PLD1: variants seen among roughly 807,000 people sequenced by gnomAD.
PLD1 encodes the protein phospholipase D1.
PLD1 carries 112 observed loss-of-function variants against 137.1 expected under a neutral mutation model. That is an observed-to-expected ratio of 0.82 (90% CI 0.70 to 0.96). The LOEUF (loss-of-function observed/expected upper bound fraction) is 0.96, where lower values mean the gene tolerates loss of function less well. Among genes scored for constraint, PLD1 ranks in the 40% least tolerant of loss-of-function variants. PLD1 has a pLI of 0.00. For synonymous variants in PLD1, 431 were observed against 454.7 expected, an observed-to-expected ratio of 0.95 and a Z score of 0.66; for missense variants, 1,321 against 1,342.0, an observed-to-expected ratio of 0.98 and a Z score of 0.24.
rs143100389 is a variant in PLD1 at position 171,674,538 on chromosome 3, T to A, written c.2191A>T (p.Arg731Ter). The A allele has an allele frequency of 9.9e-6, 16 of 1,610,434 alleles. No individual in the cohort carries two copies. The highest frequency in any genetic ancestry group is 1.4e-5 in the Non-Finnish European group (16 of 1,176,888). The change falls in exon 19 of 27, where the codon AGA becomes TGA. Residue 731 changes from arginine to a stop codon, truncating the protein, a stop_gained. Transcript: ENST00000351298. LOFTEE classifies it high-confidence loss of function. ...TGGACAGACCCAGGCACTTGATATC[T>A]CAACTCATGGGCTGTTGTTTGAGAC... ...PKSQTTAHEL[R>*]YQVPGSVHAN...
intron 23 of PLD1, among the ~76,000 whole-genome samples, chr3:171,627,232 G>T (rs1352781385): frequency 1.3e-5 from 2 of 152,112 alleles, no homozygotes; most frequent in Non-Finnish European, 2.9e-5. Context: ...AAAACAGACT[G>T]TAAACTAACA....
intron 19 of PLD1, among the ~76,000 whole-genome samples, chr3:171,664,123 TTTAA>T (rs550528189): frequency 4.6e-5 from 7 of 152,250 alleles, no homozygotes; most frequent in South Asian, 4.1e-4. Flanking sequence ...AATTTCAAAA[TTTAA>T]TTGTCAACAT....
chr3:171,788,228 G>T (rs1391800053), intron 1 of PLD1, among the ~76,000 whole-genome samples: 1 of 141,814 alleles, frequency 7.1e-6, no homozygotes, highest in Admixed American at 7.1e-5. Flanking sequence ...TAACTTTTGT[G>T]TTTGTGAGTG....
intron 3 of PLD1, 141 bp from the exon 4 acceptor site, chr3:171,735,778 T>A (rs1578381958): frequency 1.7e-6 from 1 of 600,366 alleles, no homozygotes; most frequent in Non-Finnish European, 3.0e-6. Context: ...TAAGTAAATT[T>A]GTTTCAAAAG....
intron 12 of PLD1, among the ~76,000 whole-genome samples, chr3:171,698,940 C>T (rs1275530090): frequency 6.9e-6 from 1 of 144,208 alleles, no homozygotes; most frequent in Non-Finnish European, 1.5e-5. Flanking sequence ...TGCACCATTG[C>T]ACTCCAGCCT....
intron 6 of PLD1, among the ~76,000 whole-genome samples, chr3:171,731,952 A>G (rs1306325019): frequency 6.6e-6 from 1 of 152,192 alleles, no homozygotes; most frequent in Non-Finnish European, 1.5e-5. Context: ...TTTAAATCTA[A>G]ACATTCTTTA....
In PLD1 at chr3:171,747,279, G is replaced by A. The variant is rs115755730; in HGVS notation, c.-31-9197C>T. Among the ~76,000 whole-genome samples the A allele has an allele frequency of 7.9e-3, 1,198 of 152,314 alleles. 18 individuals carry two copies. The highest frequency in any genetic ancestry group is 0.028 in the African/African-American group (1,152 of 41,566). On this transcript the variant is annotated intron_variant, in intron 1 of 26. Transcript: ENST00000351298. ...CAATTTCAGACACAATACTAGGGCA[G>A]GTTAAGTTGCTGGCAGATGCATGCC...
intron 12 of PLD1, among the ~76,000 whole-genome samples, chr3:171,697,285 C>T (rs540472186): frequency 1.6e-4 from 20 of 127,454 alleles, no homozygotes; most frequent in Middle Eastern, 5.4e-3. Flanking sequence ...TGCTCTGTTG[C>T]CCAGGCTGGA....
intron 21 of PLD1, 58 bp downstream of exon 21, chr3:171,659,155 A>G (rs1737450100): frequency 2.5e-6 from 3 of 1,186,234 alleles, no homozygotes; most frequent in Admixed American, 1.8e-5. Context: ...TTGCAAAGTC[A>G]TTTTAGTAAT....
intron 1 of PLD1, among the ~76,000 whole-genome samples, chr3:171,784,738 C>T (rs1722928342): frequency 6.6e-6 from 1 of 152,160 alleles, no homozygotes; most frequent in African/African-American, 2.4e-5. Context: ...CCACACTCCT[C>T]TAGAACCACC....
chr3:171,737,631 G>C lies in PLD1; in HGVS notation c.189C>G (p.Asn63Lys), dbSNP rs752166174. ...TATTAGGCTCCTTAAATCCTTGAGTGTTATAAATAGCAGAGAAAGGGATAT... is the reference window on the plus strand; with the variant it reads ...TATTAGGCTCCTTAAATCCTTGAGTCTTATAAATAGCAGAGAAAGGGATAT... Reference protein sequence around the residue: ...EVYIPFSAIYNTQGFKEPNIQ... With the variant: ...EVYIPFSAIYKTQGFKEPNIQ... The change falls in exon 3 of 27, where the codon AAC (asparagine) becomes AAG (lysine). Residue 63 changes from asparagine (N) to lysine (K), a missense_variant. Physicochemically the swap from Asn to Lys is moderately conservative, Grantham distance 94. Transcript: ENST00000351298. 1 of 1,574,800 alleles carries C rather than the reference G, an allele frequency of 6.4e-7. No individual in the cohort carries two copies. The highest frequency in any genetic ancestry group is 8.7e-7 in the Non-Finnish European group (1 of 1,147,440).
chr3:171,685,212 G>A (rs566519048), intron 16 of PLD1, among the ~76,000 whole-genome samples: 32 of 152,168 alleles, frequency 2.1e-4, no homozygotes, highest in Admixed American at 1.0e-3. Flanking sequence ...TGTGGTCCAC[G>A]GAAGCCAAAA....
rs2108242341 is a variant in PLD1, at chr3:171,726,002, G to T, written c.665+16C>A. The T allele has an allele frequency of 1.9e-6, 3 of 1,567,612 alleles. 1 individual carries two copies. The highest frequency in any genetic ancestry group is 3.3e-4 in the Middle Eastern group (2 of 5,972). On this transcript the variant is annotated intron_variant, in intron 7 of 26. Transcript: ENST00000351298. ...CAATTTTTCATACTTCTCTTTTAAG[G>T]TTTATTGCAACTTACATGCCCTTTG...
At chr3:171,627,335 T>C (rs1734212221) in intron 23 of PLD1, among the ~76,000 whole-genome samples, 2 of 152,026 alleles carry the variant, frequency 1.3e-5, no homozygotes, top group East Asian at 3.8e-4. Context: ...ATGCACCCAA[T>C]ACAGGAGCAC....
intron 6 of PLD1, 33 bp downstream of exon 6, chr3:171,733,411 T>C (rs1254578333): frequency 2.4e-6 from 2 of 842,334 alleles, no homozygotes; most frequent in East Asian, 5.1e-5. Context: ...TAGTGAAAAT[T>C]ACTCCAAACT....
intron 19 of PLD1, among the ~76,000 whole-genome samples, chr3:171,665,028 G>C (rs1044198059): frequency 5.3e-5 from 8 of 152,178 alleles, no homozygotes; most frequent in Admixed American, 3.9e-4. Context: ...TAACATCTGA[G>C]TTTTTCCCTC....
At chr3:171,727,119 C>G (rs1304384289) in intron 6 of PLD1, among the ~76,000 whole-genome samples, 2 of 151,816 alleles carry the variant, frequency 1.3e-5, no homozygotes, top group African/African-American at 4.8e-5. Context: ...TTTTTTCAAC[C>G]ACTTAAAAAT....
At chr3:171,754,054 C>A (rs553457469) in intron 1 of PLD1, among the ~76,000 whole-genome samples, 4 of 152,298 alleles carry the variant, frequency 2.6e-5, no homozygotes, top group African/African-American at 9.6e-5. Flanking sequence ...CCTGACAGCC[C>A]AGGCTGGTTT....
At chr3:171,786,942 T>G (rs1323607324) in intron 1 of PLD1, among the ~76,000 whole-genome samples, 1 of 152,188 alleles carries the variant, frequency 6.6e-6, no homozygotes, top group Non-Finnish European at 1.5e-5. Flanking sequence ...CCTTCATCGG[T>G]AAGTTATCAC....
Sources: gnomAD v4.1 joint callset for allele counts (sites outside exome capture counted in the v4.1 genomes callset) on GRCh38, gnomAD v4.1.1 for gene constraint, MANE v1.5 for transcripts, NCBI Gene and HGNC (gene_info 2026-07-23, HGNC 2026-07-21) for gene names.